The following VTI1A variants were observed in gnomAD, a reference collection of about 807,000 sequenced individuals.
VTI1A encodes vesicle transport through interaction with t-SNAREs 1A.
Under a neutral mutation model 34.9 loss-of-function variants are expected in VTI1A, and 22 were observed. The observed-to-expected ratio is 0.63, with a 90% CI of 0.45 to 0.90. The LOEUF is 0.90. VTI1A is among the 40% of genes least tolerant of loss of function. VTI1A has a pLI of 0.00. For missense variants in VTI1A, 268 were observed against 275.6 expected, an observed-to-expected ratio of 0.97 and a Z score of 0.20; for synonymous variants, 87 against 97.3, an observed-to-expected ratio of 0.89 and a Z score of 0.62.
chr10:112,793,917 T>C (rs1564928043), intron 7 of VTI1A, among the ~76,000 whole-genome samples: 1 of 152,186 alleles, frequency 6.6e-6, no homozygotes, highest in Non-Finnish European at 1.5e-5. Context: ...CTCTGATGGT[T>C]TGCAGTCAAG....
intron 7 of VTI1A, among the ~76,000 whole-genome samples, chr10:112,689,853 C>T (rs1848554620): frequency 6.6e-6 from 1 of 152,092 alleles, no homozygotes; most frequent in Admixed American, 6.5e-5. Context: ...CCTTGCTCCA[C>T]CACCACACAT....
chr10:112,685,942 C>CA (rs937524548), intron 7 of VTI1A, among the ~76,000 whole-genome samples: 3 of 152,154 alleles, frequency 2.0e-5, no homozygotes, highest in East Asian at 1.9e-4. Context: ...GCCACCACCA[C>CA]AAAAAAACAC....
At chr10:112,628,609 A>C (rs1846009138) in intron 5 of VTI1A, among the ~76,000 whole-genome samples, 1 of 152,160 alleles carries the variant, frequency 6.6e-6, no homozygotes. Context: ...ACTGGTTCTC[A>C]TTTACAGGAT....
intron 5 of VTI1A, among the ~76,000 whole-genome samples, chr10:112,651,497 G>A (rs904398845): frequency 1.3e-5 from 2 of 152,256 alleles, no homozygotes; most frequent in East Asian, 3.9e-4. Flanking sequence ...TTTTGGTAGA[G>A]ACGGGGTTTC....
intron 7 of VTI1A, among the ~76,000 whole-genome samples, chr10:112,699,406 C>T (rs756860405): frequency 6.6e-6 from 1 of 152,232 alleles, no homozygotes; most frequent in Non-Finnish European, 1.5e-5. Flanking sequence ...ATTGTATCCT[C>T]ACATGGAGGA....
intron 5 of VTI1A, among the ~76,000 whole-genome samples, chr10:112,586,496 C>G (rs1479742723): frequency 2.6e-5 from 4 of 152,118 alleles, no homozygotes; most frequent in Non-Finnish European, 5.9e-5. Flanking sequence ...CTGTATAAAG[C>G]CTATTTTCAA....
chr10:112,789,522 TCTC>T (rs542308605), intron 7 of VTI1A, among the ~76,000 whole-genome samples: 26 of 152,256 alleles, frequency 1.7e-4, no homozygotes, highest in Non-Finnish European at 5.9e-5. Flanking sequence ...TGCTACTCTC[TCTC>T]CTCTTCTTCT....
At position 112,460,563 on chromosome 10, in the gene VTI1A, T is replaced by A. The variant is rs1244105757; in HGVS notation, c.134T>A (p.Leu45His). The change falls in exon 2 of 8, where the codon CTT (leucine) becomes CAT (histidine). Residue 45 changes from leucine to histidine, a missense_variant. Physicochemically the swap from Leu to His is moderately conservative, Grantham distance 99 (BLOSUM62 -3). Coordinates refer to ENST00000393077, the MANE Select transcript of VTI1A (RefSeq NM_145206.4). ...ATGGTTGCAAATGTGGAGAAACAGCTTGAAGAAGCGAAAGAACTGGTATGT... is the reference window on the plus strand; with the variant it reads ...ATGGTTGCAAATGTGGAGAAACAGCATGAAGAAGCGAAAGAACTGGTATGT... ...KQMVANVEKQ[L>H]EEAKELLEQM... is the part of the protein sequence containing the mutation. The A allele has an allele frequency of 6.2e-7, 1 of 1,609,458 alleles. No homozygotes were observed. The highest frequency in any genetic ancestry group is 1.1e-5 in the South Asian group (1 of 89,826).
At chr10:112,608,614 G>A (rs1277920555) in intron 5 of VTI1A, among the ~76,000 whole-genome samples, 2 of 152,002 alleles carry the variant, frequency 1.3e-5, no homozygotes, top group Non-Finnish European at 2.9e-5. Context: ...CTTACAATAA[G>A]GGTCATTTTT....
chr10:112,765,833 A>G (rs796573476), intron 7 of VTI1A, among the ~76,000 whole-genome samples: 1 of 152,190 alleles, frequency 6.6e-6, no homozygotes, highest in African/African-American at 2.4e-5. Flanking sequence ...GCCCTACCCC[A>G]GAGTTTCTGT....
chr10:112,701,083 A>G (rs1848993064), intron 7 of VTI1A, among the ~76,000 whole-genome samples: 1 of 152,218 alleles, frequency 6.6e-6, no homozygotes, highest in Non-Finnish European at 1.5e-5. Flanking sequence ...TTTTTGAGCA[A>G]ACTATATAAT....
intron 3 of VTI1A, among the ~76,000 whole-genome samples, chr10:112,512,113 A>G (rs1223454032): frequency 1.3e-5 from 2 of 152,040 alleles, no homozygotes; most frequent in South Asian, 2.1e-4. Flanking sequence ...TGGTACTTCT[A>G]TTTTTAGTTT....
the VTI1A span, chr10:112,827,195 A>G: frequency 1.3e-5 from 2 of 152,232 alleles, no homozygotes; most frequent in Non-Finnish European, 2.9e-5. Context: ...GTACATAGTC[A>G]CATTAAACTG....
At chr10:112,649,580 A>G (rs1846931003) in intron 5 of VTI1A, among the ~76,000 whole-genome samples, 1 of 152,218 alleles carries the variant, frequency 6.6e-6, no homozygotes, top group African/African-American at 2.4e-5. Context: ...GTATGGCTAC[A>G]AGAGGAAAAC....
intron 5 of VTI1A, among the ~76,000 whole-genome samples, chr10:112,558,547 G>C (rs1029798287): frequency 3.3e-5 from 5 of 152,182 alleles, no homozygotes; most frequent in Non-Finnish European, 5.9e-5. Context: ...GGTTTATCAA[G>C]ATGAAAATAG....
the VTI1A span, among the ~76,000 whole-genome samples, chr10:112,852,945 AT>A: frequency 1.2e-4 from 18 of 151,492 alleles, no homozygotes; most frequent in South Asian, 2.1e-4. Context: ...CACCCAGCTA[AT>A]TTTTTTTTAA....
chr10:112,642,156 C>A (rs1846600941), intron 5 of VTI1A, among the ~76,000 whole-genome samples: 1 of 152,160 alleles, frequency 6.6e-6, no homozygotes, highest in South Asian at 2.1e-4. Flanking sequence ...TAGACCGCAT[C>A]TGGTTCATTT....
At chr10:112,769,776 A>T (rs1851748916) in intron 7 of VTI1A, among the ~76,000 whole-genome samples, 1 of 152,178 alleles carries the variant, frequency 6.6e-6, no homozygotes, top group African/African-American at 2.4e-5. Flanking sequence ...AGACCTTAGA[A>T]CATAGCCTGG....
chr10:112,555,104 A>G (rs1851497381), intron 5 of VTI1A, among the ~76,000 whole-genome samples: 2 of 152,140 alleles, frequency 1.3e-5, no homozygotes, highest in South Asian at 4.1e-4. Context: ...TAATGAGATT[A>G]TAGATTTTTT....
Sources: allele counts gnomAD v4.1 joint callset (sites outside exome capture counted in the v4.1 genomes callset), GRCh38; gene constraint gnomAD v4.1.1; transcripts MANE v1.5; gene names NCBI Gene and HGNC (gene_info 2026-07-23, HGNC 2026-07-21).